NADK2: variants seen among roughly 807,000 people sequenced by gnomAD.
NADK2 encodes NAD kinase 2, mitochondrial.
Under a neutral mutation model 62.1 loss-of-function variants are expected in NADK2, and 35 were observed. The observed-to-expected ratio is 0.56, with a 90% CI of 0.43 to 0.75. The LOEUF (loss-of-function observed/expected upper bound fraction) is 0.75. Among genes scored for constraint, NADK2 ranks in the 30% least tolerant of loss-of-function variants. NADK2 has a pLI of 0.00. For synonymous variants in NADK2, 205 were observed against 207.9 expected, an observed-to-expected ratio of 0.99 and a Z score of 0.12; for missense variants, 439 against 561.3, an observed-to-expected ratio of 0.78 and a Z score of 2.20.
chr5:36,239,812 T>C (rs1449332244), intron 1 of NADK2, among the ~76,000 whole-genome samples: 1 of 152,154 alleles, frequency 6.6e-6, no homozygotes, highest in Non-Finnish European at 1.5e-5. Flanking sequence ...GTGAAGCACT[T>C]TGAAAACTGA....
chr5:36,233,115 T>C (rs1196573337), intron 1 of NADK2, among the ~76,000 whole-genome samples: 2 of 152,160 alleles, frequency 1.3e-5, no homozygotes, highest in Non-Finnish European at 2.9e-5. Context: ...TGAAGTGTTT[T>C]GACAATCTAT....
In NADK2 at chr5:36,241,859, C is replaced by T. The variant is rs1260704204; in HGVS notation, c.-61G>A. ...GCCCCTTGCCTCAGCTCCCTACCGC[C>T]GGGAGTGCGCGCCGTCCGCGCCGCC... On this transcript the variant is annotated 5_prime_UTR_variant, in exon 1 of 12. Transcript: ENST00000381937. This position sits in a 1 kb window ranked among gnomAD's most constrained non-coding sequence, Gnocchi z 4.9. 3.4e-6 allele frequency: 4 copies of T among 1,164,300 alleles called. No individual in the cohort carries two copies. The African/African-American group carries it at 4.9e-5, about 14-fold the overall frequency. 72.1% of individuals were successfully genotyped at this position (1,164,300 alleles called of 1,614,324 possible). A position where few individuals can be genotyped will look rare whatever the true frequency, so the allele number is the denominator to read the frequency against.
At chr5:36,213,666 A>AT (rs1400926886) in intron 6 of NADK2, among the ~76,000 whole-genome samples, 1 of 135,326 alleles carries the variant, frequency 7.4e-6, no homozygotes, top group Admixed American at 7.7e-5. Context: ...TTGATTGCAC[A>AT]TAAGAATAAA....
At chr5:36,234,200 C>T (rs1006950889) in intron 1 of NADK2, among the ~76,000 whole-genome samples, 6 of 151,200 alleles carry the variant, frequency 4.0e-5, no homozygotes, top group African/African-American at 1.5e-4. Context: ...CGGTGAAACC[C>T]CGTCTCTACT....
chr5:36,240,056 T>C (rs2112215862), intron 1 of NADK2, among the ~76,000 whole-genome samples: 1 of 152,308 alleles, frequency 6.6e-6, no homozygotes, highest in Non-Finnish European at 1.5e-5. Context: ...TTTGCAAAAT[T>C]AGTACAACCC....
chr5:36,217,625 G>A, intron 6 of NADK2, 123 bp downstream of exon 6: 2 of 989,388 alleles, frequency 2.0e-6, no homozygotes, highest in Non-Finnish European at 1.5e-6. Context: ...GTAATTCACT[G>A]TACTTTGTTA....
chr5:36,210,380 A>G (rs1450006729), intron 7 of NADK2, among the ~76,000 whole-genome samples: 1 of 152,214 alleles, frequency 6.6e-6, no homozygotes, highest in Non-Finnish European at 1.5e-5. Flanking sequence ...GTAATGAAAC[A>G]CACACATTTT....
chr5:36,218,373 A>C (rs1747128220), intron 5 of NADK2: 1 of 152,466 alleles, frequency 6.6e-6, no homozygotes, highest in Admixed American at 6.5e-5. Flanking sequence ...TTACACCTAA[A>C]AATTTAAATA....
At chr5:36,222,835 A>G (rs1349420791) in intron 4 of NADK2, among the ~76,000 whole-genome samples, 3 of 152,172 alleles carry the variant, frequency 2.0e-5, no homozygotes, top group Admixed American at 6.5e-5. Context: ...CAATTTGATG[A>G]TAGAGTGAGG....
At chr5:36,206,598 GA>G (rs1746649839) in intron 8 of NADK2, among the ~76,000 whole-genome samples, 1 of 151,988 alleles carries the variant, frequency 6.6e-6, no homozygotes, top group African/African-American at 2.4e-5. Context: ...AACACAAAAA[GA>G]AAAACTGAAG....
At chr5:36,241,967 G>A, upstream of NADK2, 1 of 438,672 alleles carries the variant, frequency 2.3e-6, no homozygotes, top group Non-Finnish European at 3.3e-6. The surrounding 1 kb of genome is among the most constrained non-coding windows in gnomAD (Gnocchi z 4.9). Flanking sequence ...ACGTACCCAG[G>A]CGTTGACGAA....
intron 1 of NADK2, among the ~76,000 whole-genome samples, chr5:36,240,728 T>C (rs1186160155): frequency 6.6e-6 from 1 of 152,212 alleles, no homozygotes; most frequent in Non-Finnish European, 1.5e-5. Context: ...ACATATCAAA[T>C]ATGGTATATT....
At chr5:36,216,759 A>G (rs187570330) in intron 6 of NADK2, among the ~76,000 whole-genome samples, 34 of 152,250 alleles carry the variant, frequency 2.2e-4, no homozygotes, top group Admixed American at 2.1e-3. Flanking sequence ...ACTGCTGGTG[A>G]AGACAGTCAA....
At chr5:36,224,514 G>A (rs187507624) in intron 4 of NADK2, among the ~76,000 whole-genome samples, 3,052 of 148,456 alleles carry the variant, frequency 0.021, 40 homozygotes, top group Non-Finnish European at 0.029. Flanking sequence ...CTGAGAGTGC[G>A]CCACTGCACT....
rs4869628 is a variant in NADK2, at chr5:36,232,216, T to C, written c.301-4651A>G. On this transcript the variant is annotated intron_variant, in intron 1 of 11. Transcript: ENST00000381937. ...ATGGTTTATAACACCTTTATTAAATTATCACAGATGGTTTTACTTATCTAA... is the reference window on the plus strand; with the variant it reads ...ATGGTTTATAACACCTTTATTAAATCATCACAGATGGTTTTACTTATCTAA... Among the ~76,000 whole-genome samples, 1,853 of 152,328 alleles carry C rather than the reference T, an allele frequency of 0.012. 157 individuals carry two copies. In the East Asian group the frequency reaches 0.21, roughly 17 times the overall value.
At chr5:36,232,208 T>C (rs979639782) in intron 1 of NADK2, among the ~76,000 whole-genome samples, 1 of 152,230 alleles carries the variant, frequency 6.6e-6, no homozygotes, top group African/African-American at 2.4e-5. Context: ...ATAACACCTT[T>C]ATTAAATTAT....
chr5:36,225,883 C>T (rs187164181), intron 3 of NADK2, among the ~76,000 whole-genome samples: 5 of 152,286 alleles, frequency 3.3e-5, no homozygotes, highest in African/African-American at 7.2e-5. Flanking sequence ...GAGGTAGTCC[C>T]TTTACATACT....
chr5:36,228,827 T>C (rs1747595873), intron 1 of NADK2, among the ~76,000 whole-genome samples: 1 of 151,138 alleles, frequency 6.6e-6, no homozygotes, highest in East Asian at 2.0e-4. Context: ...GGTTTTACCA[T>C]GTTGCCCAGG....
intron 4 of NADK2, among the ~76,000 whole-genome samples, chr5:36,220,360 T>C (rs1747217988): frequency 6.6e-6 from 1 of 152,132 alleles, no homozygotes; most frequent in Non-Finnish European, 1.5e-5. Flanking sequence ...AGATTGCCTA[T>C]TGGTTGGTGT....
Sources: gnomAD v4.1 joint callset for allele counts (sites outside exome capture counted in the v4.1 genomes callset) on GRCh38, gnomAD v4.1.1 for gene constraint, Gnocchi (gnomAD v3.1) non-coding constraint, MANE v1.5 for transcripts, NCBI Gene and HGNC (gene_info 2026-07-23, HGNC 2026-07-21) for gene names.